The following ANTXR2 variants were observed in gnomAD, a reference collection of about 807,000 sequenced individuals.
ANTXR2 encodes the protein ANTXR cell adhesion molecule 2, also known as anthrax toxin receptor 2.
Under a neutral mutation model 73.7 loss-of-function variants are expected in ANTXR2, and 44 were observed. The observed-to-expected ratio is 0.60, with a 90% confidence interval of 0.47 to 0.77. ANTXR2 has a LOEUF of 0.77. Ranked by LOEUF, ANTXR2 falls within the 30% of genes least tolerant of loss-of-function variation. The probability of loss-of-function intolerance (pLI) is 0.00; values close to 1 mark genes in which losing one functional copy is unlikely to be tolerated. For missense variants in ANTXR2, 604 were observed against 592.5 expected, an observed-to-expected ratio of 1.02 and a Z score of -0.20; for synonymous variants, 217 against 205.9, an observed-to-expected ratio of 1.05 and a Z score of -0.46.
intron 7 of ANTXR2, among the ~76,000 whole-genome samples, chr4:80,039,247 G>T (rs1733121820): frequency 6.6e-6 from 1 of 152,010 alleles, no homozygotes; most frequent in Admixed American, 6.6e-5. Flanking sequence ...AGTAAGAAGA[G>T]AATTTATGCA....
At chr4:79,931,272 AAAAT>A (rs1260427291) in intron 16 of ANTXR2, among the ~76,000 whole-genome samples, 1 of 152,214 alleles carries the variant, frequency 6.6e-6, no homozygotes, top group Non-Finnish European at 1.5e-5. Context: ...TCATTGCCTA[AAAAT>A]AAATAGGTAT....
At chr4:80,050,761 T>C (rs1325072224) in intron 7 of ANTXR2, among the ~76,000 whole-genome samples, 1 of 151,648 alleles carries the variant, frequency 6.6e-6, no homozygotes, top group Non-Finnish European at 1.5e-5. Context: ...CTCACAAGGA[T>C]GACAGCAAAA....
At chr4:79,927,440 A>G (rs956276039) in intron 16 of ANTXR2, among the ~76,000 whole-genome samples, 11 of 152,176 alleles carry the variant, frequency 7.2e-5, no homozygotes, top group African/African-American at 2.7e-4. Context: ...CCCACCTGGC[A>G]GATATCAAAA....
chr4:80,068,760 A>G (rs1012214265), intron 3 of ANTXR2, among the ~76,000 whole-genome samples: 1 of 152,190 alleles, frequency 6.6e-6, no homozygotes, highest in Admixed American at 6.5e-5. Flanking sequence ...CAACAGAGAG[A>G]GACTCTGTCT....
At chr4:79,984,259 T>G (rs1233598164) in intron 13 of ANTXR2, among the ~76,000 whole-genome samples, 1 of 152,168 alleles carries the variant, frequency 6.6e-6, no homozygotes, top group Non-Finnish European at 1.5e-5. Flanking sequence ...TCAAATCTAT[T>G]CATCACTTCA....
At chr4:80,050,481 TC>T (rs1447478395) in intron 7 of ANTXR2, among the ~76,000 whole-genome samples, 1 of 151,680 alleles carries the variant, frequency 6.6e-6, no homozygotes, top group African/African-American at 2.4e-5. Context: ...TGGGTTAGTT[TC>T]CTGCCATGCC....
chr4:80,031,735 A>G (rs1016639609), intron 9 of ANTXR2, 43 bp from the exon 10 acceptor site: 2 of 1,193,346 alleles, frequency 1.7e-6, no homozygotes, highest in Non-Finnish European at 2.2e-6. Flanking sequence ...GGTTTTATGC[A>G]TCTCACACAG....
At chr4:79,992,842 T>C (rs981554905) in intron 12 of ANTXR2, among the ~76,000 whole-genome samples, 3 of 152,070 alleles carry the variant, frequency 2.0e-5, no homozygotes, top group Non-Finnish European at 4.4e-5. Context: ...CTTTTTTCAG[T>C]TGCAACCTAA....
At chr4:79,997,236 A>T (rs763032821) in intron 12 of ANTXR2, among the ~76,000 whole-genome samples, 1 of 151,874 alleles carries the variant, frequency 6.6e-6, no homozygotes, top group Non-Finnish European at 1.5e-5. Flanking sequence ...AGTGAAAAGA[A>T]CTGTCAACAT....
At chr4:80,022,802 T>C (rs2110073101) in intron 10 of ANTXR2, among the ~76,000 whole-genome samples, 1 of 152,310 alleles carries the variant, frequency 6.6e-6, no homozygotes, top group East Asian at 1.9e-4. Flanking sequence ...CTAATAATAT[T>C]GAAAAAGGGC....
chr4:79,922,462 C>T (rs962136112), intron 16 of ANTXR2, among the ~76,000 whole-genome samples: 3 of 151,960 alleles, frequency 2.0e-5, no homozygotes, highest in African/African-American at 7.3e-5. Context: ...AAATATTAAA[C>T]CATCTCTAGA....
chr4:79,983,670 T>G (rs1729981623), intron 14 of ANTXR2, among the ~76,000 whole-genome samples: 1 of 152,114 alleles, frequency 6.6e-6, no homozygotes. Flanking sequence ...ATGCAATCCT[T>G]TGACTAATGA....
At chr4:80,055,254 A>G (rs1266474419) in intron 5 of ANTXR2, 36 bp from the exon 6 acceptor site, 8 of 1,549,362 alleles carry the variant, frequency 5.2e-6, no homozygotes, top group Middle Eastern at 1.7e-4. Context: ...AGAAAAAAAG[A>G]GAGGGGAGAG....
intron 12 of ANTXR2, among the ~76,000 whole-genome samples, chr4:79,987,804 C>T (rs1159137663): frequency 6.6e-6 from 1 of 152,094 alleles, no homozygotes; most frequent in Non-Finnish European, 1.5e-5. Context: ...AAGAGATTGG[C>T]GGCCTATATT....
intron 14 of ANTXR2, 75 bp from the exon 15 acceptor site, chr4:79,978,249 T>TC: frequency 7.3e-7 from 1 of 1,369,952 alleles, no homozygotes; most frequent in Non-Finnish European, 9.8e-7. Flanking sequence ...GAGCCTATGG[T>TC]CCTTTAGTTC....
intron 10 of ANTXR2, among the ~76,000 whole-genome samples, chr4:80,030,220 T>C (rs1318898072): frequency 1.3e-5 from 2 of 151,972 alleles, no homozygotes; most frequent in African/African-American, 4.8e-5. Context: ...AAGAAATCAA[T>C]AATGACTCAA....
intron 16 of ANTXR2, among the ~76,000 whole-genome samples, chr4:79,953,903 C>T (rs1199280766): frequency 6.6e-6 from 1 of 151,986 alleles, no homozygotes; most frequent in Non-Finnish European, 1.5e-5. Context: ...AAATAGTTCA[C>T]TAGTACTTCT....
At chr4:80,070,635 A>G (rs1160122866) in intron 2 of ANTXR2, among the ~76,000 whole-genome samples, 3 of 152,310 alleles carry the variant, frequency 2.0e-5, no homozygotes, top group East Asian at 3.9e-4. Flanking sequence ...ATACATTTTT[A>G]TAGGGATAAC....
At chr4:80,072,135 A>C (rs771024309) in intron 1 of ANTXR2, among the ~76,000 whole-genome samples, 33 of 152,254 alleles carry the variant, frequency 2.2e-4, no homozygotes, top group Non-Finnish European at 3.4e-4. Flanking sequence ...CCACACTCCC[A>C]TTTCCCAAGA....
Sources: allele counts gnomAD v4.1 joint callset (sites outside exome capture counted in the v4.1 genomes callset), GRCh38; gene constraint gnomAD v4.1.1; transcripts MANE v1.5; gene names NCBI Gene and HGNC (gene_info 2026-07-23, HGNC 2026-07-21).